The following SNTG2 variants were observed in gnomAD, a reference collection of about 807,000 sequenced individuals.
SNTG2 encodes the protein syntrophin gamma 2.
In SNTG2, 74 loss-of-function variants were observed where a neutral mutation model predicts 70.9. The ratio of observed to expected loss-of-function variants is 1.04; its 90% CI spans 0.86 to 1.27. The LOEUF (loss-of-function observed/expected upper bound fraction) is 1.27, where lower values mean the gene tolerates loss of function less well. SNTG2 is among the 50% of genes most tolerant of loss of function. The pLI is 0.00. For missense variants in SNTG2, 717 were observed against 690.7 expected, an observed-to-expected ratio of 1.04 and a Z score of -0.43; for synonymous variants, 278 against 273.8, an observed-to-expected ratio of 1.02 and a Z score of -0.15.
At position 1,358,597 on chromosome 2, in the gene SNTG2, C is replaced by A. The variant is rs191230715; in HGVS notation, c.1489-8746C>A. ...TATTTTCTAGTATCCCTCTTGATTTCTTCTTTGATCCATTCGTTCCCCAAG... is the reference window on the plus strand; with the variant it reads ...TATTTTCTAGTATCCCTCTTGATTTATTCTTTGATCCATTCGTTCCCCAAG... On this transcript the variant is annotated intron_variant, in intron 16 of 16. Transcript: ENST00000308624. Among the ~76,000 whole-genome samples the A allele has an allele frequency of 3.6e-3, 547 of 152,182 alleles. 4 individuals are homozygous for A. Among genetic ancestry groups the A allele is most frequent in the African/African-American group, 0.012 (499 of 41,560 alleles).
chr2:1,161,918 CA>C (rs895296534), intron 6 of SNTG2, among the ~76,000 whole-genome samples: 1 of 151,806 alleles, frequency 6.6e-6, no homozygotes, highest in African/African-American at 2.4e-5. Context: ...ACTAAAAATA[CA>C]AAAAATTAGC....
chr2:1,132,659 G>A (rs1668102116), intron 4 of SNTG2, among the ~76,000 whole-genome samples: 1 of 152,226 alleles, frequency 6.6e-6, no homozygotes, highest in Admixed American at 6.5e-5. Context: ...GGGGTTGGCT[G>A]CAGGTCCGCC....
At chr2:1,112,671 C>T (rs2148254782) in intron 4 of SNTG2, among the ~76,000 whole-genome samples, 1 of 150,382 alleles carries the variant, frequency 6.6e-6, no homozygotes, top group Non-Finnish European at 1.5e-5. Context: ...CCCTTACAGT[C>T]CTTTGAGGAG....
intron 1 of SNTG2, among the ~76,000 whole-genome samples, chr2:1,000,921 A>G (rs538138950): frequency 3.3e-5 from 5 of 152,002 alleles, no homozygotes; most frequent in Non-Finnish European, 7.4e-5. Flanking sequence ...TCAAAATTTT[A>G]TCATGATCAG....
rs1447313941 is a variant in SNTG2, at chr2:1,083,502, C to T, written c.73-16C>T. The T allele has an allele frequency of 2.5e-6, 4 of 1,612,068 alleles. No individual in the cohort carries two copies. Among genetic ancestry groups the T allele is most frequent in the South Asian group, 1.1e-5 (1 of 90,800 alleles). On this transcript the variant is annotated splice_polypyrimidine_tract_variant and intron_variant, in intron 1 of 16. Transcript: ENST00000308624. ...CCCTCACACCATTTTTTTGTGTTTC[C>T]ACTTTGTCCCTACAGACGAAAACCA...
At chr2:1,046,204 G>A (rs984235583) in intron 1 of SNTG2, among the ~76,000 whole-genome samples, 17 of 152,040 alleles carry the variant, frequency 1.1e-4, no homozygotes, top group Admixed American at 9.2e-4. Context: ...GCTGTTTTCT[G>A]CTTGCTTCAT....
At chr2:1,023,295 T>A (rs145386274) in intron 1 of SNTG2, among the ~76,000 whole-genome samples, 4 of 152,254 alleles carry the variant, frequency 2.6e-5, no homozygotes, top group Admixed American at 1.3e-4. Context: ...TCTCCTTCTC[T>A]TGGCAGCAGT....
intron 16 of SNTG2, among the ~76,000 whole-genome samples, chr2:1,355,543 A>G (rs1235872594): frequency 1.3e-5 from 2 of 152,186 alleles, no homozygotes; most frequent in African/African-American, 4.8e-5. Context: ...TTAAGGCTGA[A>G]TAACGTACCT....
intron 1 of SNTG2, among the ~76,000 whole-genome samples, chr2:1,033,691 A>T (rs1660970906): frequency 6.6e-6 from 1 of 152,116 alleles, no homozygotes; most frequent in Non-Finnish European, 1.5e-5. Context: ...GGAGGTCTGG[A>T]TTGACCTTGG....
At chr2:1,199,395 C>G (rs1001802020) in intron 8 of SNTG2, among the ~76,000 whole-genome samples, 47 of 151,938 alleles carry the variant, frequency 3.1e-4, no homozygotes, top group Non-Finnish European at 2.9e-5. Flanking sequence ...TCATATATGA[C>G]AGGCCCATGA....
chr2:1,114,413 G>T (rs1008340660), intron 4 of SNTG2, among the ~76,000 whole-genome samples: 1 of 151,632 alleles, frequency 6.6e-6, no homozygotes, highest in Non-Finnish European at 1.5e-5. Flanking sequence ...AGAATCATGT[G>T]TACTAAGTGA....
intron 1 of SNTG2, among the ~76,000 whole-genome samples, chr2:953,437 G>A (rs927036193): frequency 7.9e-5 from 12 of 152,242 alleles, no homozygotes; most frequent in African/African-American, 2.9e-4. Context: ...GCCCACTGAA[G>A]GGGGAAAGCA....
At chr2:1,268,693 T>G (rs1183578839) in intron 14 of SNTG2, among the ~76,000 whole-genome samples, 1 of 152,236 alleles carries the variant, frequency 6.6e-6, no homozygotes, top group Non-Finnish European at 1.5e-5. Flanking sequence ...CATAGGATCC[T>G]TCATCTCAGG....
chr2:1,036,811 A>AGGG (rs1661155580), intron 1 of SNTG2, among the ~76,000 whole-genome samples: 3 of 152,220 alleles, frequency 2.0e-5, no homozygotes, highest in African/African-American at 7.2e-5. Flanking sequence ...AAGGTAAACA[A>AGGG]GACCTTGCCC....
chr2:1,234,910 T>C (rs1240291853), intron 9 of SNTG2, among the ~76,000 whole-genome samples: 1 of 152,242 alleles, frequency 6.6e-6, no homozygotes, highest in Non-Finnish European at 1.5e-5. Context: ...GTACTGACCC[T>C]GCTGAGAGCA....
At chr2:1,307,114 G>A (rs1321205408) in intron 14 of SNTG2, among the ~76,000 whole-genome samples, 1 of 149,586 alleles carries the variant, frequency 6.7e-6, no homozygotes, top group Non-Finnish European at 1.5e-5. Context: ...TGTGTGTGGT[G>A]TGTGAGCCAT....
intron 1 of SNTG2, among the ~76,000 whole-genome samples, chr2:993,172 C>T (rs1258363623): frequency 1.3e-5 from 2 of 150,636 alleles, no homozygotes; most frequent in Non-Finnish European, 3.0e-5. Flanking sequence ...TGTGCTGCAC[C>T]CACTAACGTG....
intron 1 of SNTG2, among the ~76,000 whole-genome samples, chr2:980,257 G>C (rs1045487166): frequency 6.6e-6 from 1 of 152,138 alleles, no homozygotes; most frequent in Non-Finnish European, 1.5e-5. Context: ...GTTACAACTC[G>C]GTCCTGGGCC....
chr2:1,064,937 A>G (rs1340010514), intron 1 of SNTG2, among the ~76,000 whole-genome samples: 2 of 152,240 alleles, frequency 1.3e-5, no homozygotes, highest in African/African-American at 2.4e-5. Flanking sequence ...AAAGAATGAA[A>G]GGGTTTGGGG....
Sources: gnomAD v4.1 joint callset for allele counts (sites outside exome capture counted in the v4.1 genomes callset) on GRCh38, gnomAD v4.1.1 for gene constraint, MANE v1.5 for transcripts, NCBI Gene and HGNC (gene_info 2026-07-23, HGNC 2026-07-21) for gene names.